The following ESRRG variants were observed in gnomAD, a reference collection of about 807,000 sequenced individuals.
ESRRG encodes the protein estrogen-related receptor gamma.
A neutral mutation model predicts 44.0 loss-of-function variants in ESRRG; 13 were observed. The ratio of observed to expected loss-of-function variants is 0.30; its 90% CI spans 0.19 to 0.47. The LOEUF is 0.47. ESRRG is among the 20% of genes least tolerant of loss of function. ESRRG has a pLI of 1.00. For missense variants in ESRRG, 395 were observed against 580.6 expected (o/e 0.68, Z 3.29); for synonymous variants, 215 against 214.6 (o/e 1.00, Z -0.02).
At chr1:217,003,980 AT>A (rs1272958499) in intron 1 of ESRRG, among the ~76,000 whole-genome samples, 1 of 152,156 alleles carries the variant, frequency 6.6e-6, no homozygotes, top group Non-Finnish European at 1.5e-5. Context: ...AATATTCATA[AT>A]TATCTTATTA....
At chr1:217,035,478 G>T (rs2082730318) in intron 1 of ESRRG, among the ~76,000 whole-genome samples, 1 of 151,972 alleles carries the variant, frequency 6.6e-6, no homozygotes, top group African/African-American at 2.4e-5. Flanking sequence ...GTCAAAGGAG[G>T]CCTATTTTTT....
intron 1 of ESRRG, among the ~76,000 whole-genome samples, chr1:217,005,481 C>T (rs967621877): frequency 1.3e-5 from 2 of 151,986 alleles, no homozygotes; most frequent in East Asian, 1.9e-4. Context: ...ACAGATAAGC[C>T]CTCTAAAAGA....
intron 5 of ESRRG, among the ~76,000 whole-genome samples, chr1:216,563,158 T>C (rs1215180293): frequency 1.3e-5 from 2 of 152,226 alleles, no homozygotes; most frequent in African/African-American, 4.8e-5. Context: ...GCTGGTATAA[T>C]ACAGAGTGAT....
chr1:216,674,048 G>A (rs563967483), intron 2 of ESRRG, among the ~76,000 whole-genome samples: 1 of 152,302 alleles, frequency 6.6e-6, no homozygotes, highest in East Asian at 1.9e-4. Flanking sequence ...GCTTATCTTT[G>A]TGTAGTTAAA....
intron 2 of ESRRG, among the ~76,000 whole-genome samples, chr1:216,787,150 T>C (rs1476621718): frequency 6.6e-6 from 1 of 152,112 alleles, no homozygotes; most frequent in Non-Finnish European, 1.5e-5. Flanking sequence ...GTAATTGTTT[T>C]GGGGCACCAC....
At chr1:217,121,339 T>C (rs762498546) in intron 1 of ESRRG, among the ~76,000 whole-genome samples, 1 of 152,098 alleles carries the variant, frequency 6.6e-6, no homozygotes, top group Non-Finnish European at 1.5e-5. Context: ...GCAAAGCAAT[T>C]TGGACTTTTG....
intron 1 of ESRRG, among the ~76,000 whole-genome samples, chr1:217,085,639 C>T (rs1580513609): frequency 6.6e-6 from 1 of 151,674 alleles, no homozygotes; most frequent in East Asian, 1.9e-4. Flanking sequence ...TACAGGTGCG[C>T]ACCACCACAC....
chr1:216,902,452 C>A (rs2059192568), intron 2 of ESRRG, among the ~76,000 whole-genome samples: 1 of 150,478 alleles, frequency 6.6e-6, no homozygotes, highest in Non-Finnish European at 1.5e-5. Context: ...CGCGCCACTG[C>A]ACTCCAGCCT....
At chr1:216,518,822 C>A (rs7514191) in intron 6 of ESRRG, among the ~76,000 whole-genome samples, 1 of 151,968 alleles carries the variant, frequency 6.6e-6, no homozygotes, top group Admixed American at 6.6e-5. Context: ...TTTTAACTTA[C>A]GCATAAAATA....
At chr1:216,763,619 G>A (rs1445749737) in intron 2 of ESRRG, among the ~76,000 whole-genome samples, 3 of 152,078 alleles carry the variant, frequency 2.0e-5, no homozygotes, top group Non-Finnish European at 4.4e-5. Context: ...ATATTGTAAG[G>A]TTAAGTTCAA....
chr1:216,986,027 G>A (rs567363315), intron 1 of ESRRG, among the ~76,000 whole-genome samples: 81 of 152,170 alleles, frequency 5.3e-4, no homozygotes, highest in Middle Eastern at 6.8e-3. Context: ...CCCTCACTAC[G>A]GAAGCTCTTC....
intron 5 of ESRRG, among the ~76,000 whole-genome samples, chr1:216,522,255 C>CTT (rs71161437): frequency 2.0e-4 from 6 of 29,288 alleles, no homozygotes; most frequent in African/African-American, 8.8e-4. Context: ...AACAGCTCTC[C>CTT]TTTTTTTTTT....
chr1:216,510,378 A>C, intron 6 of ESRRG, among the ~76,000 whole-genome samples: 1 of 152,242 alleles, frequency 6.6e-6, no homozygotes, highest in Admixed American at 6.5e-5. Flanking sequence ...ACACCTAATA[A>C]TAAAATAGAA....
intron 2 of ESRRG, among the ~76,000 whole-genome samples, chr1:216,827,745 C>A (rs2095421928): frequency 1.3e-5 from 2 of 152,060 alleles, no homozygotes. Context: ...AAATGAAGGG[C>A]AAATAAAAGC....
intron 2 of ESRRG, among the ~76,000 whole-genome samples, chr1:216,793,249 A>G (rs78312368): frequency 0.024 from 3,580 of 152,250 alleles, 71 homozygotes; most frequent in Admixed American, 0.055. Context: ...ATTTCCCCCA[A>G]TGATTCCCCT....
intron 2 of ESRRG, among the ~76,000 whole-genome samples, chr1:216,760,343 T>C (rs2092702665): frequency 6.6e-6 from 1 of 151,746 alleles, no homozygotes; most frequent in Admixed American, 6.6e-5. Flanking sequence ...TAGAGAATAA[T>C]ATAAGAATAT....
At chr1:216,931,047 A>G (rs1462953628) in intron 2 of ESRRG, among the ~76,000 whole-genome samples, 1 of 152,208 alleles carries the variant, frequency 6.6e-6, no homozygotes, top group African/African-American at 2.4e-5. Context: ...ATGTTAAGCG[A>G]TATTATTCTA....
intron 1 of ESRRG, among the ~76,000 whole-genome samples, chr1:217,132,979 G>A (rs1345195937): frequency 6.6e-6 from 1 of 152,162 alleles, no homozygotes; most frequent in Admixed American, 6.5e-5. Context: ...TTGTCTACAT[G>A]GTGGAAATGT....
chr1:217,034,085 C>T (rs1302941733), intron 1 of ESRRG, among the ~76,000 whole-genome samples: 1 of 152,164 alleles, frequency 6.6e-6, no homozygotes, highest in African/African-American at 2.4e-5. Context: ...AAGAGCCAGA[C>T]AAGTTCTTTC....
Sources: gnomAD v4.1 joint callset for allele counts (sites outside exome capture counted in the v4.1 genomes callset) on GRCh38, gnomAD v4.1.1 for gene constraint, MANE v1.5 for transcripts, NCBI Gene and HGNC (gene_info 2026-07-23, HGNC 2026-07-21) for gene names.